The following PDLIM5 variants were observed in gnomAD, a reference collection of about 807,000 sequenced individuals.
PDLIM5 encodes the protein PDZ and LIM domain protein 5.
PDLIM5 carries 34 observed loss-of-function variants against 64.2 expected under a neutral mutation model. The observed-to-expected ratio is 0.53, with a 90% CI of 0.40 to 0.71. PDLIM5 has a LOEUF of 0.71. Ranked by LOEUF, PDLIM5 falls within the 30% of genes least tolerant of loss-of-function variation. The pLI, the probability that PDLIM5 is intolerant of heterozygous loss-of-function variation, is 0.00. For synonymous variants in PDLIM5, 253 were observed against 269.1 expected, an observed-to-expected ratio of 0.94 and a Z score of 0.59; for missense variants, 683 against 733.6, an observed-to-expected ratio of 0.93 and a Z score of 0.80.
At chr4:94,472,908 A>G (rs114497354) in intron 2 of PDLIM5, among the ~76,000 whole-genome samples, 80 of 152,286 alleles carry the variant, frequency 5.3e-4, no homozygotes, top group African/African-American at 1.8e-3. Flanking sequence ...AACTAAAGAT[A>G]CAGCAGTGAA....
At chr4:94,552,855 G>A (rs1732931963) in intron 3 of PDLIM5, among the ~76,000 whole-genome samples, 1 of 152,042 alleles carries the variant, frequency 6.6e-6, no homozygotes, top group African/African-American at 2.4e-5. Context: ...GGTAACATCA[G>A]GCACATCTAT....
intron 3 of PDLIM5, among the ~76,000 whole-genome samples, chr4:94,570,645 T>C (rs774023217): frequency 6.6e-6 from 1 of 152,260 alleles, no homozygotes; most frequent in East Asian, 1.9e-4. Flanking sequence ...GTGAGGAAAC[T>C]GTTTAGAAAG....
chr4:94,485,711 G>A (rs796808423), intron 2 of PDLIM5, among the ~76,000 whole-genome samples: 13 of 151,328 alleles, frequency 8.6e-5, no homozygotes, highest in South Asian at 2.1e-4. Flanking sequence ...CTAGCCGGGC[G>A]TGGTGGCATG....
intron 3 of PDLIM5, among the ~76,000 whole-genome samples, chr4:94,544,855 C>T (rs1022584611): frequency 6.6e-6 from 1 of 152,258 alleles, no homozygotes; most frequent in South Asian, 2.1e-4. Flanking sequence ...GCTTAGGTAA[C>T]CTCTGTTTTG....
intron 9 of PDLIM5, among the ~76,000 whole-genome samples, chr4:94,642,034 A>G (rs1459385734): frequency 3.3e-5 from 5 of 152,204 alleles, no homozygotes; most frequent in Admixed American, 6.5e-5. Context: ...AAAGAAAACA[A>G]TGTTTTAGTA....
chr4:94,534,657 A>G (rs1731164827), intron 3 of PDLIM5, among the ~76,000 whole-genome samples: 1 of 152,234 alleles, frequency 6.6e-6, no homozygotes. Flanking sequence ...ATATGTAAAG[A>G]GCCTAGGACA....
chr4:94,568,383 A>G (rs1203634307), intron 3 of PDLIM5, among the ~76,000 whole-genome samples: 1 of 150,386 alleles, frequency 6.6e-6, no homozygotes, highest in Non-Finnish European at 1.5e-5. Context: ...AGTGGGACAT[A>G]TAGAATAGAT....
At chr4:94,641,398 T>C (rs563175930) in intron 9 of PDLIM5, among the ~76,000 whole-genome samples, 2 of 152,216 alleles carry the variant, frequency 1.3e-5, no homozygotes, top group Admixed American at 1.3e-4. Flanking sequence ...TAGAGTCAAA[T>C]ATAAACACCC....
intron 7 of PDLIM5, chr4:94,586,856 A>G (rs1409743094): frequency 1.2e-6 from 1 of 848,218 alleles, no homozygotes; most frequent in Non-Finnish European, 1.8e-6. Context: ...CCACTTAATA[A>G]AACAGCTATG....
intron 7 of PDLIM5, among the ~76,000 whole-genome samples, chr4:94,603,771 C>A (rs1737687991): frequency 6.6e-6 from 1 of 152,172 alleles, no homozygotes; most frequent in South Asian, 2.1e-4. Context: ...TTCTCAGGGA[C>A]CCCTGCTTCT....
chr4:94,452,396 C>T (rs982368276), intron 1 of PDLIM5, among the ~76,000 whole-genome samples: 2 of 152,196 alleles, frequency 1.3e-5, no homozygotes, highest in African/African-American at 4.8e-5. Flanking sequence ...GGTGTGGTGT[C>T]TGAGTGCCCA....
At chr4:94,632,830 A>T (rs1395192969) in intron 8 of PDLIM5, among the ~76,000 whole-genome samples, 2 of 152,194 alleles carry the variant, frequency 1.3e-5, no homozygotes, top group Non-Finnish European at 2.9e-5. Flanking sequence ...GAACCAGAGA[A>T]CTGGGCAGCC....
intron 9 of PDLIM5, 50 bp downstream of exon 9, chr4:94,640,500 G>GT (rs10716970): frequency 0.051 from 37,739 of 744,896 alleles, 50 homozygotes; most frequent in South Asian, 0.074. Flanking sequence ...TCAATGTTGG[G>GT]TTTTTTTTTT....
intron 7 of PDLIM5, among the ~76,000 whole-genome samples, chr4:94,588,885 C>A (rs1736457864): frequency 6.6e-6 from 1 of 152,148 alleles, no homozygotes; most frequent in Admixed American, 6.5e-5. Flanking sequence ...CTGCCAAATG[C>A]ATTTTAAAAA....
At chr4:94,634,953 T>C (rs538663134) in intron 8 of PDLIM5, among the ~76,000 whole-genome samples, 1 of 152,348 alleles carries the variant, frequency 6.6e-6, no homozygotes, top group East Asian at 1.9e-4. Context: ...GCTGAGAAAG[T>C]TTTCTGGTAT....
intron 2 of PDLIM5, among the ~76,000 whole-genome samples, chr4:94,475,539 G>A (rs1725249650): frequency 6.6e-6 from 1 of 152,124 alleles, no homozygotes; most frequent in African/African-American, 2.4e-5. Flanking sequence ...CTTAAAAGTT[G>A]TAGTCTTTCT....
chr4:94,491,397 T>G (rs1726859451), intron 2 of PDLIM5, among the ~76,000 whole-genome samples: 1 of 152,170 alleles, frequency 6.6e-6, no homozygotes, highest in Non-Finnish European at 1.5e-5. Context: ...CAGTTCTATT[T>G]AAATCCTGGG....
chr4:94,520,348 A>G (rs184313912), intron 2 of PDLIM5, among the ~76,000 whole-genome samples: 28 of 152,328 alleles, frequency 1.8e-4, no homozygotes, highest in Non-Finnish European at 3.2e-4. Context: ...CTGTGCTTTT[A>G]TGAAATACAT....
chr4:94,607,939 C>A (rs1474186484), intron 7 of PDLIM5: 8 of 574,204 alleles, frequency 1.4e-5, no homozygotes, highest in Non-Finnish European at 2.2e-5. Context: ...TAAAAGAAAA[C>A]CAATAGTGTT....
Sources: gnomAD v4.1 joint callset for allele counts (sites outside exome capture counted in the v4.1 genomes callset) on GRCh38, gnomAD v4.1.1 for gene constraint, MANE v1.5 for transcripts, NCBI Gene and HGNC (gene_info 2026-07-23, HGNC 2026-07-21) for gene names.